The following HIP1 variants were observed in gnomAD, a reference collection of about 807,000 sequenced individuals.
HIP1 encodes huntingtin interacting protein 1.
Under a neutral mutation model 147.6 loss-of-function variants are expected in HIP1, and 65 were observed. The observed-to-expected ratio is 0.44, with a 90% confidence interval of 0.36 to 0.54. HIP1 has a LOEUF of 0.54. Among genes scored for constraint, HIP1 ranks in the 20% least tolerant of loss-of-function variants. The pLI is 0.00. For synonymous variants in HIP1, 479 were observed against 504.0 expected (o/e 0.95, Z 0.67); for missense variants, 1,061 against 1,299.6 (o/e 0.82, Z 2.82).
chr7:75,705,814 A>G (rs1165742040), intron 1 of HIP1, among the ~76,000 whole-genome samples: 4 of 152,198 alleles, frequency 2.6e-5, no homozygotes, highest in Non-Finnish European at 5.9e-5. Context: ...TCTCTTCATG[A>G]GCCTGCCTTC....
chr7:75,592,519 G>T lies in HIP1; in HGVS notation c.185-5C>A, dbSNP rs782119761. On this transcript the variant is annotated splice_polypyrimidine_tract_variant and splice_region_variant and intron_variant, in intron 2 of 30. Transcript: ENST00000336926. ...GGTGGGTGCCCAGTATGCACGGTGAGGGGGGGTTATGGAAAACAACGGATG... is the reference window on the plus strand; with the variant it reads ...GGTGGGTGCCCAGTATGCACGGTGATGGGGGGTTATGGAAAACAACGGATG... The T allele has an allele frequency of 2.5e-6, 4 of 1,605,588 alleles. No individual in the cohort carries two copies. Among genetic ancestry groups the T allele is most frequent in the South Asian group, 1.1e-5 (1 of 90,568 alleles).
At chr7:75,678,360 T>TTTTTTC (rs71098061) in intron 1 of HIP1, among the ~76,000 whole-genome samples, 6 of 127,604 alleles carry the variant, frequency 4.7e-5, no homozygotes, top group Non-Finnish European at 8.0e-5. Flanking sequence ...TTTTTTTTTT[T>TTTTTTC]TGAGACAGCA....
At chr7:75,544,649 T>C (rs1554490580) in intron 27 of HIP1, 46 bp downstream of exon 27, 1 of 1,167,498 alleles carries the variant, frequency 8.6e-7, no homozygotes, top group Admixed American at 1.7e-5. Flanking sequence ...CCTAGTACTC[T>C]CTAACCAGGC....
At chr7:75,649,819 C>T (rs1798915208) in intron 1 of HIP1, among the ~76,000 whole-genome samples, 1 of 152,146 alleles carries the variant, frequency 6.6e-6, no homozygotes, top group Non-Finnish European at 1.5e-5. Context: ...TTTCCAAGCT[C>T]CCACCTGGAA....
At chr7:75,671,743 T>C (rs571695105) in intron 1 of HIP1, among the ~76,000 whole-genome samples, 1 of 142,546 alleles carries the variant, frequency 7.0e-6, no homozygotes, top group African/African-American at 2.7e-5. Context: ...ATGTTTTCCT[T>C]TTTTTTAATT....
chr7:75,726,774 T>C (rs1276993105), intron 1 of HIP1, among the ~76,000 whole-genome samples: 3 of 148,282 alleles, frequency 2.0e-5, no homozygotes, highest in Non-Finnish European at 4.5e-5. Context: ...ACGATCTCCA[T>C]CTCGGTTCAC....
At chr7:75,687,962 G>A (rs1296434397) in intron 1 of HIP1, among the ~76,000 whole-genome samples, 1 of 152,002 alleles carries the variant, frequency 6.6e-6, no homozygotes, top group African/African-American at 2.4e-5. Context: ...TGAGTCCTGG[G>A]CTGTAAGAGT....
At chr7:75,692,264 T>C (rs1313148300) in intron 1 of HIP1, among the ~76,000 whole-genome samples, 4 of 152,066 alleles carry the variant, frequency 2.6e-5, no homozygotes, top group African/African-American at 9.7e-5. Context: ...TAATTATTTA[T>C]TGATTTTTTT....
chr7:75,568,152 A>C lies in HIP1; in HGVS notation c.803+47T>G, dbSNP rs1795479040. ...TGCACTTGCATGGCTTAATGATTTTATAGCGCTCTTGAATTCACCTCCATT... is the reference window on the plus strand; with the variant it reads ...TGCACTTGCATGGCTTAATGATTTTCTAGCGCTCTTGAATTCACCTCCATT... On this transcript the variant is annotated intron_variant, in intron 9 of 30. Transcript: ENST00000336926. This position sits in a 1 kb window ranked among gnomAD's most constrained non-coding sequence, Gnocchi z 4.1. The C allele has an allele frequency of 7.5e-7, 1 of 1,334,018 alleles. No individual in the cohort carries two copies. Among genetic ancestry groups the C allele is most frequent in the Admixed American group, 1.7e-5 (1 of 59,598 alleles). The allele number at this position is 1,334,018 out of a possible 1,614,324, so 82.6% of individuals were successfully genotyped here.
chr7:75,613,813 C>T (rs1160038555), intron 1 of HIP1, among the ~76,000 whole-genome samples: 1 of 152,224 alleles, frequency 6.6e-6, no homozygotes, highest in African/African-American at 2.4e-5. Context: ...ACAGCCTCAA[C>T]CTCCTGGATT....
At chr7:75,733,180 G>T (rs554659506) in intron 1 of HIP1, among the ~76,000 whole-genome samples, 1 of 152,194 alleles carries the variant, frequency 6.6e-6, no homozygotes, top group East Asian at 1.9e-4. Context: ...TGGTCGAACG[G>T]GCCTGACACT....
At chr7:75,668,545 G>A (rs892230210) in intron 1 of HIP1, among the ~76,000 whole-genome samples, 3 of 152,064 alleles carry the variant, frequency 2.0e-5, no homozygotes, top group Non-Finnish European at 2.9e-5. Flanking sequence ...GGCTGGTCTC[G>A]AACTCCTGAT....
At chr7:75,639,362 C>T (rs1439793900) in intron 1 of HIP1, 1 of 230,324 alleles carries the variant, frequency 4.3e-6, no homozygotes, top group East Asian at 1.8e-4. Context: ...CGCCCGAGCC[C>T]CCGGGGACCG....
intron 1 of HIP1, among the ~76,000 whole-genome samples, chr7:75,676,484 A>G (rs1205543385): frequency 6.6e-6 from 1 of 152,194 alleles, no homozygotes; most frequent in Non-Finnish European, 1.5e-5. Flanking sequence ...GAGCTTATAG[A>G]AGCCCCCTAT....
At chr7:75,592,621 A>C (rs1044303800) in intron 2 of HIP1, 107 bp from the exon 3 acceptor site, 6 of 1,178,132 alleles carry the variant, frequency 5.1e-6, no homozygotes, top group Non-Finnish European at 7.1e-6. Context: ...CAGCCATCAC[A>C]GGGGATAGAG....
intron 1 of HIP1, among the ~76,000 whole-genome samples, chr7:75,660,449 C>A (rs1799275876): frequency 6.6e-6 from 1 of 152,074 alleles, no homozygotes; most frequent in Admixed American, 6.6e-5. Flanking sequence ...ATTGCTTGAA[C>A]CCACGAGGCA....
At chr7:75,591,454 C>T (rs1796498462) in intron 4 of HIP1, among the ~76,000 whole-genome samples, 1 of 152,058 alleles carries the variant, frequency 6.6e-6, no homozygotes, top group African/African-American at 2.4e-5. Context: ...GATATTGCCA[C>T]CTACCTCCCC....
At position 75,657,637 on chromosome 7, in the gene HIP1, G is replaced by A. The variant is rs879964541; in HGVS notation, c.121-58390C>T. ...TTTCCTAAGTGCATTAAACAGAAAA[G>A]AAACAGAAAACCAAATATTGCACAT... On this transcript the variant is annotated intron_variant, in intron 1 of 30. Transcript: ENST00000336926. Among the ~76,000 whole-genome samples the A allele has an allele frequency of 2.6e-5, 4 of 151,600 alleles. No homozygotes were observed. The East Asian group carries it at 5.8e-4, about 22-fold the overall frequency.
intron 8 of HIP1, among the ~76,000 whole-genome samples, chr7:75,570,775 G>A (rs1554496481): frequency 6.6e-6 from 1 of 151,962 alleles, no homozygotes; most frequent in African/African-American, 2.4e-5. Flanking sequence ...GGGAGGCCGA[G>A]GCAGGAGGAT....
Sources: allele counts gnomAD v4.1 joint callset (sites outside exome capture counted in the v4.1 genomes callset), GRCh38; gene constraint gnomAD v4.1.1; non-coding constraint Gnocchi (gnomAD v3.1); transcripts MANE v1.5; gene names NCBI Gene and HGNC (gene_info 2026-07-23, HGNC 2026-07-21).